DSCAM: variants seen among roughly 807,000 people sequenced by gnomAD.
DSCAM encodes cell adhesion molecule DSCAM.
Under a neutral mutation model 217.7 loss-of-function variants are expected in DSCAM, and 47 were observed. The ratio of observed to expected loss-of-function variants is 0.22; its 90% CI spans 0.17 to 0.28. The LOEUF (loss-of-function observed/expected upper bound fraction) is 0.28. Ranked by LOEUF, DSCAM falls within the 10% of genes least tolerant of loss-of-function variation. DSCAM has a pLI of 1.00. For synonymous variants in DSCAM, 1,056 were observed against 1,015.3 expected (o/e 1.04, Z -0.76); for missense variants, 2,080 against 2,618.3 (o/e 0.79, Z 4.49).
At chr21:40,456,065 G>A (rs952786720) in intron 3 of DSCAM, among the ~76,000 whole-genome samples, 3 of 151,696 alleles carry the variant, frequency 2.0e-5, no homozygotes, top group Non-Finnish European at 4.4e-5. Flanking sequence ...TTGTGCACAT[G>A]TACCCTAAAA....
chr21:40,043,570 CT>C (rs1408785413), intron 31 of DSCAM, among the ~76,000 whole-genome samples: 1 of 152,140 alleles, frequency 6.6e-6, no homozygotes, highest in Non-Finnish European at 1.5e-5. Flanking sequence ...GAAGTGAAAA[CT>C]TGGTGGTTGA....
chr21:40,295,604 T>C (rs1167351899), intron 10 of DSCAM, among the ~76,000 whole-genome samples: 2 of 152,166 alleles, frequency 1.3e-5, no homozygotes, highest in African/African-American at 2.4e-5. Flanking sequence ...ATAAGGGGAA[T>C]AAAACAATCA....
At chr21:40,168,876 G>A (rs570637305) in intron 15 of DSCAM, among the ~76,000 whole-genome samples, 22 of 152,106 alleles carry the variant, frequency 1.4e-4, no homozygotes, top group Admixed American at 2.6e-4. Context: ...CTTTTTCTGC[G>A]GGTTACTTAG....
chr21:40,284,724 C>T (rs180915234), intron 10 of DSCAM, among the ~76,000 whole-genome samples: 48 of 152,276 alleles, frequency 3.2e-4, no homozygotes, highest in Non-Finnish European at 5.6e-4. Flanking sequence ...TAAAGGGCCG[C>T]GCAGTTTGTC....
rs2091098713 is a variant in DSCAM at position 40,739,366 on chromosome 21, C to T, written c.44-30595G>A. 2.0e-5 allele frequency among the ~76,000 whole-genome samples: 3 copies of T among 152,180 alleles called. No individual in the cohort carries two copies. The South Asian group carries it at 6.2e-4, about 32-fold the overall frequency. On this transcript the variant is annotated intron_variant, in intron 1 of 32. Coordinates refer to ENST00000400454, the MANE Select transcript of DSCAM (RefSeq NM_001389.5). ...GGATGTATTCTTTGACAACAACTTT[C>T]TTGTTGCTGGGGCTGCCATAACAAA...
intron 3 of DSCAM, among the ~76,000 whole-genome samples, chr21:40,455,205 A>C (rs752918319): frequency 2.0e-5 from 3 of 152,176 alleles, no homozygotes; most frequent in Non-Finnish European, 2.9e-5. Context: ...AAACAAGTGG[A>C]ACATAATGCT....
chr21:40,213,028 CCTG>C (rs1230227559), intron 11 of DSCAM, among the ~76,000 whole-genome samples: 1 of 152,160 alleles, frequency 6.6e-6, no homozygotes, highest in African/African-American at 2.4e-5. Context: ...AGGCACCAGC[CCTG>C]CTGACTTCTT....
At chr21:40,290,681 C>G (rs1601521908) in intron 10 of DSCAM, among the ~76,000 whole-genome samples, 2 of 152,252 alleles carry the variant, frequency 1.3e-5, no homozygotes, top group Middle Eastern at 3.4e-3. Flanking sequence ...TGCACAGAAC[C>G]AAAAAGATTA....
chr21:40,662,243 G>A (rs1435543996), intron 3 of DSCAM, among the ~76,000 whole-genome samples: 1 of 132,966 alleles, frequency 7.5e-6, no homozygotes, highest in East Asian at 2.3e-4. Context: ...ATATTGAAAG[G>A]TCTAATCCTG....
At chr21:40,230,310 T>G (rs183941041) in intron 11 of DSCAM, among the ~76,000 whole-genome samples, 2 of 152,242 alleles carry the variant, frequency 1.3e-5, no homozygotes, top group Non-Finnish European at 2.9e-5. Flanking sequence ...TGAAGCAATC[T>G]GAACATTGTG....
At chr21:40,717,363 T>A (rs181763446) in intron 1 of DSCAM, among the ~76,000 whole-genome samples, 64 of 152,292 alleles carry the variant, frequency 4.2e-4, no homozygotes, top group Non-Finnish European at 6.9e-4. Flanking sequence ...AAAACATACA[T>A]CCACACAAAA....
At chr21:40,717,926 C>A (rs932991197) in intron 1 of DSCAM, among the ~76,000 whole-genome samples, 3 of 152,164 alleles carry the variant, frequency 2.0e-5, no homozygotes, top group Admixed American at 6.5e-5. Context: ...GAGAAGACTG[C>A]AGGCAGAAAG....
intron 10 of DSCAM, among the ~76,000 whole-genome samples, chr21:40,290,702 A>G (rs2073881436): frequency 6.6e-6 from 1 of 152,242 alleles, no homozygotes; most frequent in African/African-American, 2.4e-5. Context: ...AGTTCCTTCT[A>G]CAGGGAAATC....
chr21:40,780,390 A>G (rs1279532936), intron 1 of DSCAM, among the ~76,000 whole-genome samples: 1 of 110,482 alleles, frequency 9.1e-6, no homozygotes, highest in Non-Finnish European at 2.0e-5. Context: ...CCTATTTCCA[A>G]ATATAAACGT....
At chr21:40,754,852 T>C (rs2091260755) in intron 1 of DSCAM, among the ~76,000 whole-genome samples, 2 of 152,208 alleles carry the variant, frequency 1.3e-5, no homozygotes, top group Admixed American at 6.5e-5. Flanking sequence ...CAGCCTAAAA[T>C]AAAGACTCAG....
intron 3 of DSCAM, among the ~76,000 whole-genome samples, chr21:40,439,825 C>T (rs1464265065): frequency 1.3e-5 from 2 of 152,124 alleles, no homozygotes; most frequent in Non-Finnish European, 2.9e-5. Context: ...GAGACTTATT[C>T]ACTATCACAA....
intron 3 of DSCAM, among the ~76,000 whole-genome samples, chr21:40,687,505 G>GC (rs974382408): frequency 7.9e-5 from 12 of 152,030 alleles, no homozygotes; most frequent in African/African-American, 2.2e-4. Flanking sequence ...CAAAGCAGAG[G>GC]CCCCCCACAG....
At chr21:40,184,784 G>A (rs2090875145) in intron 14 of DSCAM, among the ~76,000 whole-genome samples, 1 of 152,096 alleles carries the variant, frequency 6.6e-6, no homozygotes, top group African/African-American at 2.4e-5. Context: ...CCTGCCTTTG[G>A]GAAACTCCTG....
At chr21:40,835,099 G>A (rs1173951913) in intron 1 of DSCAM, among the ~76,000 whole-genome samples, 4 of 152,124 alleles carry the variant, frequency 2.6e-5, no homozygotes. Flanking sequence ...GGGTTAAGGT[G>A]ATTTGTTCTA....
Sources: gnomAD v4.1 joint callset for allele counts (sites outside exome capture counted in the v4.1 genomes callset) on GRCh38, gnomAD v4.1.1 for gene constraint, MANE v1.5 for transcripts, NCBI Gene and HGNC (gene_info 2026-07-23, HGNC 2026-07-21) for gene names.